GRID2: variants seen among roughly 807,000 people sequenced by gnomAD.
GRID2 encodes glutamate receptor ionotropic, delta-2.
A neutral mutation model predicts 114.8 loss-of-function variants in GRID2; 33 were observed. That is an observed-to-expected ratio of 0.29 (90% CI 0.22 to 0.38). GRID2 has a LOEUF of 0.38. Among genes scored for constraint, GRID2 ranks in the 10% least tolerant of loss-of-function variants. The pLI is 1.00. For synonymous variants in GRID2, 505 were observed against 449.9 expected, an observed-to-expected ratio of 1.12 and a Z score of -1.55; for missense variants, 1,184 against 1,257.7, an observed-to-expected ratio of 0.94 and a Z score of 0.89.
intron 13 of GRID2, among the ~76,000 whole-genome samples, chr4:93,613,948 G>T (rs201917209): frequency 0.039 from 5,864 of 151,700 alleles, 124 homozygotes; most frequent in African/African-American, 0.064. Context: ...AGACTGCTGT[G>T]CTAGCAATCA....
chr4:92,931,848 ACACT>A (rs1394040882), intron 2 of GRID2, among the ~76,000 whole-genome samples: 36 of 151,206 alleles, frequency 2.4e-4, no homozygotes, highest in Admixed American at 2.2e-3. Flanking sequence ...TTTGACAAAA[ACACT>A]CAGGCAACTC....
At chr4:93,021,987 C>A (rs1339292962) in intron 2 of GRID2, among the ~76,000 whole-genome samples, 2 of 151,000 alleles carry the variant, frequency 1.3e-5, no homozygotes, top group East Asian at 3.9e-4. Context: ...CAGTTTTTGC[C>A]ATTACTTTCA....
At chr4:93,023,024 T>C (rs576564924) in intron 2 of GRID2, among the ~76,000 whole-genome samples, 2 of 152,036 alleles carry the variant, frequency 1.3e-5, no homozygotes, top group Non-Finnish European at 2.9e-5. Context: ...TATGTATAAA[T>C]AGTGAACCAG....
At chr4:92,890,039 G>A (rs1284597151) in intron 2 of GRID2, among the ~76,000 whole-genome samples, 1 of 152,152 alleles carries the variant, frequency 6.6e-6, no homozygotes, top group Non-Finnish European at 1.5e-5. Flanking sequence ...TTAATAAATG[G>A]TGTTGGTAAA....
At chr4:92,748,678 T>TATTATC (rs1737281165) in intron 2 of GRID2, among the ~76,000 whole-genome samples, 1 of 146,612 alleles carries the variant, frequency 6.8e-6, no homozygotes, top group Non-Finnish European at 1.5e-5. Context: ...TTATTATTAT[T>TATTATC]TGAGATGGAG....
At chr4:93,517,373 T>A (rs1353152300) in intron 13 of GRID2, among the ~76,000 whole-genome samples, 1 of 152,094 alleles carries the variant, frequency 6.6e-6, no homozygotes, top group Non-Finnish European at 1.5e-5. Context: ...GGAGGGCTAA[T>A]GAGTTCGAAA....
At chr4:93,751,015 C>T (rs1732277744) in intron 14 of GRID2, among the ~76,000 whole-genome samples, 1 of 152,102 alleles carries the variant, frequency 6.6e-6, no homozygotes, top group Non-Finnish European at 1.5e-5. Context: ...AACTGAGGGT[C>T]CATTATGCTA....
chr4:93,346,152 A>G (rs1003909311), intron 8 of GRID2, among the ~76,000 whole-genome samples: 1 of 152,076 alleles, frequency 6.6e-6, no homozygotes, highest in Admixed American at 6.6e-5. Context: ...AAATTTTAGG[A>G]TTATTTTTCT....
At position 92,909,471 on chromosome 4, in the gene GRID2, A is replaced by G. The variant is rs930423759; in HGVS notation, c.245-175524A>G. Among the ~76,000 whole-genome samples, 9 of 152,048 alleles carry G rather than the reference A, an allele frequency of 5.9e-5. No individual in the cohort carries two copies. The East Asian group carries it at 1.7e-3, about 29-fold the overall frequency. The stretch of plus-strand genomic sequence containing the variant: ...ATATATATCTTCTAAAATATTTTTT[A>G]CATAGTAGCAAAACCTCTGATTATG... On this transcript the variant is annotated intron_variant, in intron 2 of 15. Transcript: ENST00000282020.
At chr4:92,591,202 C>T (rs1306820860) in intron 2 of GRID2, among the ~76,000 whole-genome samples, 1 of 152,118 alleles carries the variant, frequency 6.6e-6, no homozygotes, top group African/African-American at 2.4e-5. Flanking sequence ...CCCAAGGGAA[C>T]TTGCCTGCCC....
At chr4:93,616,385 A>T (rs1560823426) in intron 13 of GRID2, among the ~76,000 whole-genome samples, 1 of 151,472 alleles carries the variant, frequency 6.6e-6, no homozygotes. Context: ...CTCTACCAAA[A>T]ATAATACAAA....
intron 2 of GRID2, among the ~76,000 whole-genome samples, chr4:92,719,810 T>C (rs948267104): frequency 6.6e-6 from 1 of 152,150 alleles, no homozygotes; most frequent in Non-Finnish European, 1.5e-5. Flanking sequence ...TGTATGTTTG[T>C]AGAGAACTTT....
intron 1 of GRID2, among the ~76,000 whole-genome samples, chr4:92,401,688 A>G (rs1730796943): frequency 6.6e-6 from 1 of 152,198 alleles, no homozygotes; most frequent in African/African-American, 2.4e-5. Context: ...TATTGATAAA[A>G]ATGCTGACTA....
exon 2 of GRID2, chr4:93,807,023 T>G (rs1426730529): frequency 6.6e-6 from 1 of 152,270 alleles, no homozygotes; most frequent in Non-Finnish European, 1.5e-5. Flanking sequence ...CACCAGATTG[T>G]GACACACAGA....
At chr4:92,785,852 T>C (rs1019132579) in intron 2 of GRID2, among the ~76,000 whole-genome samples, 4 of 151,878 alleles carry the variant, frequency 2.6e-5, no homozygotes, top group Non-Finnish European at 5.9e-5. Context: ...AAACTTTTTT[T>C]AAAACTATAA....
At chr4:92,825,038 C>T (rs993432768) in intron 2 of GRID2, among the ~76,000 whole-genome samples, 5 of 151,814 alleles carry the variant, frequency 3.3e-5, no homozygotes, top group African/African-American at 9.7e-5. Context: ...ATTAAAAATA[C>T]ATAAAATTTT....
intron 2 of GRID2, among the ~76,000 whole-genome samples, chr4:92,733,825 G>T (rs1337458499): frequency 6.6e-6 from 1 of 152,064 alleles, no homozygotes; most frequent in Non-Finnish European, 1.5e-5. Context: ...CACCAAGCCT[G>T]AGAATGCCAA....
intron 1 of GRID2, among the ~76,000 whole-genome samples, chr4:92,386,650 T>C (rs983980226): frequency 6.6e-6 from 1 of 151,844 alleles, no homozygotes; most frequent in African/African-American, 2.4e-5. Flanking sequence ...AAAACTCTCA[T>C]TTAGCAATAT....
At chr4:92,972,713 G>A (rs12509755) in intron 2 of GRID2, among the ~76,000 whole-genome samples, 17,457 of 151,782 alleles carry the variant, frequency 0.12, 1,450 homozygotes, top group East Asian at 0.25. Flanking sequence ...CAGGTATTAA[G>A]CCTAGTACCC....
Sources: gnomAD v4.1 joint callset for allele counts (sites outside exome capture counted in the v4.1 genomes callset) on GRCh38, gnomAD v4.1.1 for gene constraint, MANE v1.5 for transcripts, NCBI Gene and HGNC (gene_info 2026-07-23, HGNC 2026-07-21) for gene names.